GPC6: variants seen among roughly 807,000 people sequenced by gnomAD.
The protein encoded by GPC6 is glypican-6.
A neutral mutation model predicts 55.2 loss-of-function variants in GPC6; 14 were observed. The ratio of observed to expected loss-of-function variants is 0.25; its 90% CI spans 0.17 to 0.40. The LOEUF is 0.40. GPC6 is among the 10% of genes least tolerant of loss of function. GPC6 has a pLI of 1.00. For synonymous variants in GPC6, 278 were observed against 259.6 expected, an observed-to-expected ratio of 1.07 and a Z score of -0.68; for missense variants, 641 against 708.5, an observed-to-expected ratio of 0.90 and a Z score of 1.08.
chr13:93,658,173 C>A (rs1880766628), intron 2 of GPC6, among the ~76,000 whole-genome samples: 2 of 152,042 alleles, frequency 1.3e-5, no homozygotes, highest in South Asian at 4.1e-4. Context: ...ATTTCCATCA[C>A]CCCTTAAAAT....
chr13:93,531,466 G>A lies in GPC6; in HGVS notation c.161-13797G>A, dbSNP rs149974287. On this transcript the variant is annotated intron_variant, in intron 1 of 8. Coordinates refer to ENST00000377047, the MANE Select transcript of GPC6 (RefSeq NM_005708.5). ...TTCTCCAGGATGCCTCAGTTTTTGC[G>A]TATAAAACCTTTCAACTGATTAGGT... Among the ~76,000 whole-genome samples the A allele has an allele frequency of 9.2e-5, 14 of 152,072 alleles. No individual in the cohort carries two copies. The East Asian group carries it at 2.1e-3, about 23-fold the overall frequency.
chr13:93,589,189 T>G (rs1053987449), intron 2 of GPC6, among the ~76,000 whole-genome samples: 1 of 152,184 alleles, frequency 6.6e-6, no homozygotes, highest in Non-Finnish European at 1.5e-5. Context: ...TTATTACCTT[T>G]GCTTTTTTCT....
intron 4 of GPC6, among the ~76,000 whole-genome samples, chr13:94,156,509 G>T (rs984318329): frequency 6.6e-6 from 1 of 152,124 alleles, no homozygotes; most frequent in African/African-American, 2.4e-5. Context: ...TTGTGATGTT[G>T]CAGTGTCTAC....
intron 3 of GPC6, among the ~76,000 whole-genome samples, chr13:94,001,413 G>C (rs1042986963): frequency 1.3e-5 from 2 of 151,932 alleles, no homozygotes; most frequent in Non-Finnish European, 2.9e-5. Context: ...TAAATATCTT[G>C]AACAATGCCT....
At chr13:94,131,917 G>C (rs1371115347) in intron 4 of GPC6, among the ~76,000 whole-genome samples, 1 of 152,194 alleles carries the variant, frequency 6.6e-6, no homozygotes, top group African/African-American at 2.4e-5. Context: ...GGATTTCATA[G>C]TCAAATAGTT....
intron 3 of GPC6, among the ~76,000 whole-genome samples, chr13:94,017,631 T>C (rs1882519811): frequency 6.6e-6 from 1 of 152,132 alleles, no homozygotes; most frequent in Non-Finnish European, 1.5e-5. Flanking sequence ...CCATATGTTA[T>C]AGGATCATGT....
At chr13:93,480,977 G>A (rs990143422) in intron 1 of GPC6, among the ~76,000 whole-genome samples, 8 of 152,112 alleles carry the variant, frequency 5.3e-5, no homozygotes, top group African/African-American at 1.2e-4. Context: ...GGAGTGGATC[G>A]TACGGTAGTT....
At chr13:93,860,315 C>T (rs769707748) in intron 3 of GPC6, among the ~76,000 whole-genome samples, 2 of 151,584 alleles carry the variant, frequency 1.3e-5, no homozygotes, top group South Asian at 2.1e-4. Context: ...GCCTTATTAG[C>T]GCCAGGCTCA....
At chr13:94,171,007 T>C (rs1888548710) in intron 4 of GPC6, among the ~76,000 whole-genome samples, 1 of 152,232 alleles carries the variant, frequency 6.6e-6, no homozygotes, top group African/African-American at 2.4e-5. Context: ...TGCTTATTTG[T>C]GTAGTCCCTG....
At chr13:93,503,360 T>G (rs1880591100) in intron 1 of GPC6, among the ~76,000 whole-genome samples, 1 of 152,190 alleles carries the variant, frequency 6.6e-6, no homozygotes, top group South Asian at 2.1e-4. Flanking sequence ...CAATTTTCTA[T>G]AAAGGACCAG....
intron 3 of GPC6, among the ~76,000 whole-genome samples, chr13:93,833,575 T>A (rs1232811699): frequency 5.9e-5 from 9 of 152,276 alleles, no homozygotes; most frequent in Admixed American, 6.5e-5. Flanking sequence ...GAGTGATTTT[T>A]TTTTTTCTCT....
At chr13:93,676,123 AAAAATATATATATATAT>A (rs1374901296) in intron 2 of GPC6, among the ~76,000 whole-genome samples, 509 of 12,718 alleles carry the variant, frequency 0.04, 1 homozygote, top group Non-Finnish European at 0.084. Flanking sequence ...AAAAAAAAAA[AAAAATATATATATATAT>A]ATATATATAT....
At position 93,226,912 on chromosome 13, in the gene GPC6, C is replaced by T. The variant is rs950292319; in HGVS notation, c.-545C>T. 1 of 152,722 alleles carries T rather than the reference C, an allele frequency of 6.5e-6. No homozygotes were observed. The highest frequency in any genetic ancestry group is 2.4e-5 in the African/African-American group (1 of 41,438). The allele number at this position is 152,722 out of a possible 1,614,324, so 9.5% of individuals were successfully genotyped here. The stretch of plus-strand genomic sequence containing the variant: ...CACAGCCTGTGTTAAGCTGAGGTTT[C>T]CCCTAGATCTCGTATATCCCCAACA... On this transcript the variant is annotated 5_prime_UTR_variant, in exon 1 of 9. Transcript: ENST00000377047.
chr13:93,377,961 A>T (rs1438123506), intron 1 of GPC6, among the ~76,000 whole-genome samples: 1 of 152,230 alleles, frequency 6.6e-6, no homozygotes, highest in East Asian at 1.9e-4. Flanking sequence ...CCTGTGGAAT[A>T]ACATTTTCAA....
intron 1 of GPC6, among the ~76,000 whole-genome samples, chr13:93,417,476 T>G (rs1594155156): frequency 6.6e-6 from 1 of 152,098 alleles, no homozygotes; most frequent in African/African-American, 2.4e-5. Context: ...ATGCAGAGGA[T>G]CAATGGCCTT....
At chr13:93,749,822 G>T (rs1316816338) in intron 2 of GPC6, among the ~76,000 whole-genome samples, 1 of 151,974 alleles carries the variant, frequency 6.6e-6, no homozygotes, top group East Asian at 1.9e-4. Flanking sequence ...ACGTCAAATG[G>T]CAAAAGATTA....
intron 1 of GPC6, among the ~76,000 whole-genome samples, chr13:93,322,436 T>C (rs1342639190): frequency 3.0e-5 from 4 of 134,170 alleles, no homozygotes; most frequent in Non-Finnish European, 4.6e-5. Flanking sequence ...TTCTTCTTTT[T>C]TTTTTTTTTT....
chr13:94,294,456 A>AAC (rs1555316705), intron 5 of GPC6, among the ~76,000 whole-genome samples: 1 of 148,722 alleles, frequency 6.7e-6, no homozygotes, highest in South Asian at 2.2e-4. Context: ...AAAAAAAAAA[A>AAC]CCCTAAGAGA....
At chr13:93,272,403 G>C (rs1468763112) in intron 1 of GPC6, among the ~76,000 whole-genome samples, 1 of 150,850 alleles carries the variant, frequency 6.6e-6, no homozygotes, top group Non-Finnish European at 1.5e-5. Flanking sequence ...CTTCATTTGA[G>C]AAATAATTTA....
Sources: allele counts gnomAD v4.1 joint callset (sites outside exome capture counted in the v4.1 genomes callset), GRCh38; gene constraint gnomAD v4.1.1; transcripts MANE v1.5; gene names NCBI Gene and HGNC (gene_info 2026-07-23, HGNC 2026-07-21).